The following ALPK1 variants were observed in gnomAD, a reference collection of about 807,000 sequenced individuals.
ALPK1 encodes alpha-protein kinase 1.
A neutral mutation model predicts 120.6 loss-of-function variants in ALPK1; 110 were observed. That is an observed-to-expected ratio of 0.91 (90% CI 0.78 to 1.07). The LOEUF (loss-of-function observed/expected upper bound fraction) is 1.07. Among genes scored for constraint, ALPK1 ranks in the 50% least tolerant of loss-of-function variants. The probability of loss-of-function intolerance (pLI) is 0.00; values close to 1 mark genes in which losing one functional copy is unlikely to be tolerated. For missense variants in ALPK1, 1,498 were observed against 1,483.9 expected, an observed-to-expected ratio of 1.01 and a Z score of -0.16; for synonymous variants, 582 against 560.3, an observed-to-expected ratio of 1.04 and a Z score of -0.55.
chr4:112,340,536 G>A (rs932093985), intron 2 of ALPK1, among the ~76,000 whole-genome samples: 18 of 152,172 alleles, frequency 1.2e-4, no homozygotes, highest in Middle Eastern at 6.8e-3. Flanking sequence ...ATGCCCTTGG[G>A]TGGATGTAAA....
intron 2 of ALPK1, among the ~76,000 whole-genome samples, chr4:112,369,270 G>A (rs1731292627): frequency 6.6e-6 from 1 of 152,034 alleles, no homozygotes; most frequent in Admixed American, 6.6e-5. Context: ...ATCTTTCTGA[G>A]CCCCACACTT....
chr4:112,316,679 G>T (rs1040732661), intron 2 of ALPK1, among the ~76,000 whole-genome samples: 1 of 152,136 alleles, frequency 6.6e-6, no homozygotes, highest in African/African-American at 2.4e-5. Context: ...TGGGTGTGAG[G>T]TAGTGTCTCA....
Position 112,431,347 on chromosome 4 carries a change from T to C in ALPK1, c.1800T>C (p.Tyr600=). The change falls in exon 11 of 16, where the codon TAT becomes TAC. Residue 600 remains tyrosine, a synonymous_variant. Coordinates refer to ENST00000650871, the MANE Select transcript of ALPK1 (RefSeq NM_025144.4). Reference sequence around the variant, plus strand: ...CTGCAAGCTGGGAGGAAGTGAATTATCACGTTGACGACAGGTCAGCCAGAA... The same window carrying C: ...CTGCAAGCTGGGAGGAAGTGAATTACCACGTTGACGACAGGTCAGCCAGAA... The part of the protein sequence containing the change: ...SSSASWEEVN[Y]HVDDRSARKE... 1 of 1,614,236 alleles carries C rather than the reference T, an allele frequency of 6.2e-7. No homozygotes were observed. The highest frequency in any genetic ancestry group is 8.5e-7 in the Non-Finnish European group (1 of 1,180,046).
At chr4:112,326,087 A>T (rs1258340572) in intron 2 of ALPK1, among the ~76,000 whole-genome samples, 2 of 152,186 alleles carry the variant, frequency 1.3e-5, no homozygotes, top group Non-Finnish European at 2.9e-5. Context: ...TATGGAAACC[A>T]TCATCCCTTT....
intron 2 of ALPK1, among the ~76,000 whole-genome samples, chr4:112,343,925 G>A (rs1400998044): frequency 6.6e-6 from 1 of 152,164 alleles, no homozygotes; most frequent in Non-Finnish European, 1.5e-5. Flanking sequence ...TGTAAATCCA[G>A]TTTACCTCAG....
At chr4:112,356,274 C>A in intron 2 of ALPK1, 1 of 1,183,900 alleles carries the variant, frequency 8.4e-7, no homozygotes, top group Non-Finnish European at 1.3e-6. Context: ...ACAGGCAAGA[C>A]GCTGTGCCTC....
At chr4:112,405,579 G>A (rs1477315082) in intron 4 of ALPK1, among the ~76,000 whole-genome samples, 1 of 151,546 alleles carries the variant, frequency 6.6e-6, no homozygotes, top group Non-Finnish European at 1.5e-5. Flanking sequence ...CAACTTTTTT[G>A]TTTGTTTGTT....
intron 2 of ALPK1, among the ~76,000 whole-genome samples, chr4:112,321,316 A>C (rs1728860078): frequency 6.6e-6 from 1 of 151,882 alleles, no homozygotes; most frequent in Admixed American, 6.6e-5. Context: ...CATTTCATTT[A>C]TCTTTTGTCT....
intron 2 of ALPK1, chr4:112,343,393 C>T (rs1449484238): frequency 2.0e-5 from 3 of 152,080 alleles, no homozygotes; most frequent in African/African-American, 4.8e-5. Context: ...ATCTCTGTGT[C>T]GTCTTAGAGT....
intron 2 of ALPK1, among the ~76,000 whole-genome samples, chr4:112,346,511 G>A (rs1730110396): frequency 1.3e-5 from 2 of 152,134 alleles, no homozygotes; most frequent in Non-Finnish European, 2.9e-5. Flanking sequence ...TGATTCATTT[G>A]GATAAGTGTT....
chr4:112,367,456 AT>A (rs1339355000), intron 2 of ALPK1, among the ~76,000 whole-genome samples: 1 of 152,228 alleles, frequency 6.6e-6, no homozygotes, highest in Non-Finnish European at 1.5e-5. Context: ...AATACAAAAA[AT>A]ATCAAAAAAT....
chr4:112,431,476 A>C lies in ALPK1; in HGVS notation c.1929A>C (p.Ser643=). Residue 643 remains serine (S), a synonymous_variant, in exon 11 of 16, where the codon TCA becomes TCC. Coordinates refer to ENST00000650871, the MANE Select transcript of ALPK1 (RefSeq NM_025144.4). ...REGRAMHSLH[S]QLHDLSLQEP... ...GCAGAGCTATGCATTCATTGCATTC[A>C]CAGCTTCATGATCTCTCTCTTCAGG... is the stretch of plus-strand genomic sequence containing the variant. The C allele has an allele frequency of 2.5e-6, 4 of 1,614,212 alleles. No homozygotes were observed. The highest frequency in any genetic ancestry group is 3.4e-6 in the Non-Finnish European group (4 of 1,180,030).
At chr4:112,352,902 C>T (rs535271234) in intron 2 of ALPK1, 3 of 149,346 alleles carry the variant, frequency 2.0e-5, no homozygotes, top group African/African-American at 7.4e-5. Context: ...CTTTCTTTCT[C>T]TTTCTTTCTT....
chr4:112,324,531 G>T (rs1290241839), intron 2 of ALPK1, among the ~76,000 whole-genome samples: 2 of 152,068 alleles, frequency 1.3e-5, no homozygotes, highest in Non-Finnish European at 2.9e-5. Flanking sequence ...TGGATGGAGT[G>T]CAGTGGCACA....
chr4:112,305,581 G>C (rs1365067292), intron 1 of ALPK1, among the ~76,000 whole-genome samples: 1 of 152,090 alleles, frequency 6.6e-6, no homozygotes, highest in South Asian at 2.1e-4. Flanking sequence ...GAATGCTTGT[G>C]ATTTTTGCAC....
At chr4:112,329,680 A>G (rs1729275157) in intron 2 of ALPK1, among the ~76,000 whole-genome samples, 1 of 152,216 alleles carries the variant, frequency 6.6e-6, no homozygotes, top group Non-Finnish European at 1.5e-5. Flanking sequence ...GGAGTGAGGA[A>G]CAATCAGAAA....
At chr4:112,412,148 C>T (rs1230876205) in intron 5 of ALPK1, 123 bp downstream of exon 5, 3 of 1,141,038 alleles carry the variant, frequency 2.6e-6, no homozygotes, top group Non-Finnish European at 3.8e-6. Context: ...TCTTTCCGAG[C>T]CCGGGGCTCC....
intron 4 of ALPK1, among the ~76,000 whole-genome samples, chr4:112,411,421 C>T (rs1474100971): frequency 6.6e-6 from 1 of 152,120 alleles, no homozygotes; most frequent in Non-Finnish European, 1.5e-5. Flanking sequence ...GATGGGGTTT[C>T]ACCATGTTGG....
intron 4 of ALPK1, among the ~76,000 whole-genome samples, chr4:112,406,252 A>G (rs1733167252): frequency 6.6e-6 from 1 of 152,222 alleles, no homozygotes; most frequent in Non-Finnish European, 1.5e-5. Context: ...TGGATGAATG[A>G]ATAAACAAAA....
Sources: gnomAD v4.1 joint callset for allele counts (sites outside exome capture counted in the v4.1 genomes callset) on GRCh38, gnomAD v4.1.1 for gene constraint, MANE v1.5 for transcripts, NCBI Gene and HGNC (gene_info 2026-07-23, HGNC 2026-07-21) for gene names.